The following CSMD3 variants were observed in gnomAD, a reference collection of about 807,000 sequenced individuals.
CSMD3 encodes the protein CUB and Sushi multiple domains 3.
CSMD3 carries 177 observed loss-of-function variants against 435.2 expected under a neutral mutation model. That is an observed-to-expected ratio of 0.41 (90% CI 0.36 to 0.46). The LOEUF is 0.46. Among genes scored for constraint, CSMD3 ranks in the 20% least tolerant of loss-of-function variants. CSMD3 has a pLI of 0.34. For synonymous variants in CSMD3, 1,656 were observed against 1,520.5 expected, an observed-to-expected ratio of 1.09 and a Z score of -2.07; for missense variants, 4,265 against 4,504.6, an observed-to-expected ratio of 0.95 and a Z score of 1.52.
chr8:112,301,317 A>C (rs1406940224), intron 53 of CSMD3, among the ~76,000 whole-genome samples: 1 of 151,602 alleles, frequency 6.6e-6, no homozygotes, highest in Admixed American at 6.6e-5. Flanking sequence ...CAGGTTCAAA[A>C]AATTTTTTTT....
intron 2 of CSMD3, among the ~76,000 whole-genome samples, chr8:113,301,638 T>G (rs142266964): frequency 7.9e-5 from 12 of 152,070 alleles, no homozygotes; most frequent in Middle Eastern, 6.8e-3. Context: ...CACTTGTGAT[T>G]TTTTTCTCTA....
At chr8:112,555,948 A>G (rs185009704) in intron 25 of CSMD3, among the ~76,000 whole-genome samples, 27 of 152,100 alleles carry the variant, frequency 1.8e-4, no homozygotes, top group South Asian at 4.1e-4. Flanking sequence ...CTGACACAGA[A>G]TGGATTTCTG....
chr8:112,281,132 T>TAAAAA, intron 59 of CSMD3, 42 bp downstream of exon 59: 1 of 1,436,442 alleles, frequency 7.0e-7, no homozygotes, highest in Non-Finnish European at 9.8e-7. Flanking sequence ...CATCAATACT[T>TAAAAA]TCATATAATT....
chr8:113,356,449 A>G (rs1300341584), intron 1 of CSMD3, among the ~76,000 whole-genome samples: 1 of 152,176 alleles, frequency 6.6e-6, no homozygotes. Context: ...TATGAACAAA[A>G]AAACAAGGAA....
intron 3 of CSMD3, among the ~76,000 whole-genome samples, chr8:113,174,221 T>C (rs2092314441): frequency 6.6e-6 from 1 of 152,166 alleles, no homozygotes; most frequent in Non-Finnish European, 1.5e-5. Flanking sequence ...GATAATATCA[T>C]TCACATGGCT....
intron 32 of CSMD3, among the ~76,000 whole-genome samples, chr8:112,411,986 G>A (rs758538867): frequency 1.3e-5 from 2 of 152,000 alleles, no homozygotes; most frequent in African/African-American, 4.8e-5. Context: ...ATTGCCCAGT[G>A]AACAGATTTA....
chr8:113,086,652 T>A (rs967841995), intron 5 of CSMD3, among the ~76,000 whole-genome samples: 3 of 152,214 alleles, frequency 2.0e-5, no homozygotes, highest in Non-Finnish European at 4.4e-5. Flanking sequence ...ATAACAGTGC[T>A]GAGTTTGGCT....
chr8:112,702,739 A>AGT (rs2076415686), intron 13 of CSMD3, among the ~76,000 whole-genome samples: 1 of 151,976 alleles, frequency 6.6e-6, no homozygotes, highest in African/African-American at 2.4e-5. Context: ...AGGGGCGTGA[A>AGT]GTAGGGTATT....
At chr8:113,191,593 A>G (rs2092585857) in intron 3 of CSMD3, among the ~76,000 whole-genome samples, 1 of 151,482 alleles carries the variant, frequency 6.6e-6, no homozygotes, top group Non-Finnish European at 1.5e-5. Flanking sequence ...ACATGATTTC[A>G]TTAATTTTAT....
intron 6 of CSMD3, among the ~76,000 whole-genome samples, chr8:113,012,905 G>C (rs1564207521): frequency 1.3e-5 from 2 of 151,950 alleles, no homozygotes; most frequent in Non-Finnish European, 2.9e-5. Flanking sequence ...CTCATATTGA[G>C]AGTTATAACA....
intron 54 of CSMD3, among the ~76,000 whole-genome samples, chr8:112,293,664 C>A (rs1819991091): frequency 2.6e-5 from 4 of 151,964 alleles, no homozygotes; most frequent in African/African-American, 4.8e-5. Flanking sequence ...AATGCTGTGT[C>A]CCACTATAAA....
chr8:112,747,183 CTTTTT>C (rs71309787), intron 13 of CSMD3, among the ~76,000 whole-genome samples: 6 of 26,942 alleles, frequency 2.2e-4, no homozygotes, highest in African/African-American at 5.2e-4. Context: ...GCACACTTCC[CTTTTT>C]TTTTTTTTTT....
At position 112,999,323 on chromosome 8, in the gene CSMD3, C is replaced by T. The variant is rs1386546978; in HGVS notation, c.1030+19744G>A. On this transcript the variant is annotated intron_variant, in intron 6 of 70. Coordinates refer to ENST00000297405, the MANE Select transcript of CSMD3 (RefSeq NM_198123.2). ...TTTATGAAGAGTATCAGAAATTGAG[C>T]CACACAATTTAGGAAATTTTCTAGA... 7.2e-5 allele frequency among the ~76,000 whole-genome samples: 11 copies of T among 151,858 alleles called. No homozygotes were observed. The East Asian group carries it at 2.1e-3, about 30-fold the overall frequency.
chr8:112,999,852 GA>G (rs2085798869), intron 6 of CSMD3, among the ~76,000 whole-genome samples: 1 of 151,978 alleles, frequency 6.6e-6, no homozygotes, highest in Non-Finnish European at 1.5e-5. Context: ...GCTGATATGA[GA>G]AAGACTGGAA....
intron 3 of CSMD3, among the ~76,000 whole-genome samples, chr8:113,189,776 T>C (rs2131974890): frequency 6.6e-6 from 1 of 151,902 alleles, no homozygotes; most frequent in East Asian, 1.9e-4. Flanking sequence ...TTCTCTAACT[T>C]TTCCTGTTGA....
intron 5 of CSMD3, among the ~76,000 whole-genome samples, chr8:113,086,999 C>T (rs1047345041): frequency 3.3e-5 from 5 of 152,110 alleles, no homozygotes; most frequent in Non-Finnish European, 5.9e-5. Context: ...TTGTTGGAAC[C>T]GCATCGCATA....
At chr8:112,706,170 A>G (rs1462713515) in intron 13 of CSMD3, among the ~76,000 whole-genome samples, 1 of 151,866 alleles carries the variant, frequency 6.6e-6, no homozygotes, top group East Asian at 1.9e-4. Flanking sequence ...TTCATTATCA[A>G]TTTTTCAGAT....
intron 28 of CSMD3, among the ~76,000 whole-genome samples, chr8:112,513,241 C>T (rs370172628): frequency 1.3e-5 from 2 of 152,290 alleles, no homozygotes; most frequent in East Asian, 3.9e-4. Context: ...TAGCTATCAG[C>T]CTATTTGGGC....
At chr8:112,487,126 G>A (rs1473479618) in intron 31 of CSMD3, among the ~76,000 whole-genome samples, 3 of 152,152 alleles carry the variant, frequency 2.0e-5, no homozygotes, top group African/African-American at 7.2e-5. Flanking sequence ...CTAGTTTAAT[G>A]ATTTACATTT....
Sources: allele counts gnomAD v4.1 joint callset (sites outside exome capture counted in the v4.1 genomes callset), GRCh38; gene constraint gnomAD v4.1.1; transcripts MANE v1.5; gene names NCBI Gene and HGNC (gene_info 2026-07-23, HGNC 2026-07-21).